Variants in PTPRE observed in about 807,000 individuals in gnomAD.
PTPRE encodes the protein receptor-type tyrosine-protein phosphatase epsilon.
A neutral mutation model predicts 102.0 loss-of-function variants in PTPRE; 51 were observed. That is an observed-to-expected ratio of 0.50 (90% CI 0.40 to 0.63). The LOEUF is 0.63. PTPRE is among the 30% of genes least tolerant of loss of function. The pLI is 0.00. For synonymous variants in PTPRE, 345 were observed against 348.2 expected (o/e 0.99, Z 0.10); for missense variants, 752 against 915.1 (o/e 0.82, Z 2.30).
chr10:128,074,850 T>G (rs1270280655), intron 17 of PTPRE, among the ~76,000 whole-genome samples: 2 of 152,144 alleles, frequency 1.3e-5, no homozygotes, highest in Non-Finnish European at 2.9e-5. Context: ...ACTGTTTTCC[T>G]CAGTAGCTGC....
At chr10:127,969,682 AG>A (rs67085073) in intron 1 of PTPRE, among the ~76,000 whole-genome samples, 1 of 139,122 alleles carries the variant, frequency 7.2e-6, no homozygotes, top group African/African-American at 2.7e-5. Flanking sequence ...AAAAAAAAAA[AG>A]GGGGGCGGGG....
At chr10:128,026,636 C>T (rs576803326) in intron 2 of PTPRE, among the ~76,000 whole-genome samples, 3 of 152,286 alleles carry the variant, frequency 2.0e-5, no homozygotes, top group Non-Finnish European at 2.9e-5. Flanking sequence ...ACTTCTTTGC[C>T]AGTCTTTTAG....
At chr10:127,999,858 G>C (rs980380253) in intron 2 of PTPRE, 2 of 985,290 alleles carry the variant, frequency 2.0e-6, no homozygotes, top group African/African-American at 1.7e-5. Context: ...CGCATCAGTA[G>C]CCTGCTTGGA....
rs923617379 is a variant in PTPRE at position 127,963,108 on chromosome 10, C to T, written c.-30-19166C>T. Among the ~76,000 whole-genome samples the T allele has an allele frequency of 2.6e-5, 4 of 152,176 alleles. No individual in the cohort carries two copies. In the East Asian group the frequency reaches 7.7e-4, roughly 29 times the overall value. ...GTGGAGGCCAGACACTGAGGCAGCT[C>T]GGTCCCCCTGGGGCCTATGGAAATG... is the stretch of plus-strand genomic sequence containing the variant. On this transcript the variant is annotated intron_variant, in intron 1 of 20. Coordinates refer to ENST00000254667, the MANE Select transcript of PTPRE (RefSeq NM_006504.6).
intron 2 of PTPRE, among the ~76,000 whole-genome samples, chr10:127,994,622 C>T (rs1243187697): frequency 6.6e-6 from 1 of 152,232 alleles, no homozygotes; most frequent in Non-Finnish European, 1.5e-5. Context: ...AGTCAACTAA[C>T]ACCTCCAAGT....
chr10:128,043,351 A>G (rs919753677), intron 3 of PTPRE, among the ~76,000 whole-genome samples: 2 of 152,206 alleles, frequency 1.3e-5, no homozygotes, highest in East Asian at 1.9e-4. Flanking sequence ...TCTCTTAAGG[A>G]GCACGCAACC....
intron 1 of PTPRE, among the ~76,000 whole-genome samples, chr10:127,972,747 G>A (rs533196314): frequency 3.3e-5 from 5 of 152,324 alleles, no homozygotes; most frequent in East Asian, 1.9e-4. Flanking sequence ...GAGAGCACAC[G>A]CTGCTGCTTC....
intron 2 of PTPRE, among the ~76,000 whole-genome samples, chr10:127,984,330 C>G (rs909854836): frequency 2.0e-5 from 3 of 152,078 alleles, no homozygotes; most frequent in Admixed American, 1.3e-4. Flanking sequence ...ATCTGCCCAC[C>G]TCAGCCTCCC....
intron 2 of PTPRE, among the ~76,000 whole-genome samples, chr10:128,003,577 T>G (rs1429479997): frequency 6.6e-6 from 1 of 152,178 alleles, no homozygotes; most frequent in Non-Finnish European, 1.5e-5. Context: ...TAATCCTGAA[T>G]AGCTAGAAAA....
intron 7 of PTPRE, among the ~76,000 whole-genome samples, chr10:128,057,204 C>T (rs572042795): frequency 1.4e-4 from 21 of 148,486 alleles, no homozygotes; most frequent in South Asian, 4.3e-4. Context: ...GGAACAAGAG[C>T]GAAACTCCAT....
intron 1 of PTPRE, among the ~76,000 whole-genome samples, chr10:127,946,673 G>A (rs942047698): frequency 3.3e-5 from 5 of 152,306 alleles, no homozygotes; most frequent in African/African-American, 1.2e-4. Context: ...CACACTGCAG[G>A]TCACAAAGAC....
intron 2 of PTPRE, among the ~76,000 whole-genome samples, chr10:127,991,776 G>A (rs574376430): frequency 1.1e-4 from 16 of 152,106 alleles, no homozygotes; most frequent in East Asian, 1.9e-4. Flanking sequence ...GCCTCTGTCC[G>A]TCCAGCAGGG....
chr10:127,986,417 T>C (rs979344011), intron 2 of PTPRE, among the ~76,000 whole-genome samples: 2 of 152,264 alleles, frequency 1.3e-5, no homozygotes, highest in Non-Finnish European at 2.9e-5. Context: ...AGGTCTTATA[T>C]TGTTATACCT....
At chr10:128,033,790 G>T (rs367768775) in intron 2 of PTPRE, among the ~76,000 whole-genome samples, 1 of 152,140 alleles carries the variant, frequency 6.6e-6, no homozygotes, top group African/African-American at 2.4e-5. Context: ...GATTACAGGC[G>T]TGCACCACAT....
At chr10:127,925,268 C>G (rs539581434) in intron 1 of PTPRE, among the ~76,000 whole-genome samples, 2 of 152,320 alleles carry the variant, frequency 1.3e-5, no homozygotes, top group Admixed American at 1.3e-4. Flanking sequence ...GTTACAGTGT[C>G]TTTAGGACCT....
rs540351544 is a variant in PTPRE at position 128,034,461 on chromosome 10, G to A, written c.-7-6414G>A. Among the ~76,000 whole-genome samples the A allele has an allele frequency of 1.8e-4, 28 of 152,228 alleles. No homozygotes were observed. The South Asian group carries it at 4.8e-3, about 26-fold the overall frequency. On this transcript the variant is annotated intron_variant, in intron 2 of 20. Coordinates refer to ENST00000254667, the MANE Select transcript of PTPRE (RefSeq NM_006504.6). ...TCCCAGCACTTTGGGAGGTCAGGGC[G>A]GGAGGATTGCTTGAGTCTAGGAGTT...
intron 1 of PTPRE, among the ~76,000 whole-genome samples, chr10:127,961,992 T>C (rs1033619833): frequency 1.3e-5 from 2 of 152,220 alleles, no homozygotes; most frequent in Admixed American, 1.3e-4. Context: ...GGCTCCAGGG[T>C]AGGAGAGAGA....
intron 1 of PTPRE, among the ~76,000 whole-genome samples, chr10:127,973,255 C>A (rs1850899365): frequency 6.6e-6 from 1 of 152,138 alleles, no homozygotes; most frequent in Non-Finnish European, 1.5e-5. Context: ...CAATGCGTAT[C>A]AAGCCTAGAC....
chr10:128,077,849 G>T, intron 19 of PTPRE, 66 bp downstream of exon 19: 1 of 1,516,910 alleles, frequency 6.6e-7, no homozygotes. Flanking sequence ...AGTACCCGCA[G>T]CTGTGGGCAG....
Sources: gnomAD v4.1 joint callset for allele counts (sites outside exome capture counted in the v4.1 genomes callset) on GRCh38, gnomAD v4.1.1 for gene constraint, MANE v1.5 for transcripts, NCBI Gene and HGNC (gene_info 2026-07-23, HGNC 2026-07-21) for gene names.